WNK1: variants seen among roughly 807,000 people sequenced by gnomAD.
WNK1 encodes serine/threonine-protein kinase WNK1.
A neutral mutation model predicts 222.8 loss-of-function variants in WNK1; 38 were observed. The observed-to-expected ratio is 0.17, with a 90% CI of 0.13 to 0.22. WNK1 has a LOEUF of 0.22. Among genes scored for constraint, WNK1 ranks in the 10% least tolerant of loss-of-function variants. WNK1 has a pLI of 1.00. For missense variants in WNK1, 2,348 were observed against 2,918.4 expected, an observed-to-expected ratio of 0.80 and a Z score of 4.50; for synonymous variants, 1,090 against 1,092.9, an observed-to-expected ratio of 1.00 and a Z score of 0.05.
chr12:804,884 C>T lies in WNK1; in HGVS notation c.760-8758C>T, dbSNP rs1366646029. On this transcript the variant is annotated intron_variant, in intron 1 of 27. Coordinates refer to ENST00000315939, the MANE Select transcript of WNK1 (RefSeq NM_018979.4). ...GGTTCATTTGAGTTGTACCATGTGT[C>T]AAAATTTGGTACATATTTTTATATT... 4.8e-5 allele frequency among the ~76,000 whole-genome samples: 4 copies of T among 83,684 alleles called. No individual in the cohort carries two copies. The East Asian group carries it at 1.2e-3, about 25-fold the overall frequency. The allele number at this position is 83,684 out of a possible 152,430, so 54.9% of individuals were successfully genotyped here.
chr12:868,346 G>C (rs762005120), intron 8 of WNK1: 1 of 1,613,866 alleles, frequency 6.2e-7, no homozygotes, highest in Admixed American at 1.7e-5. Flanking sequence ...CAACTCATCA[G>C]TACTGTCAAG....
intron 26 of WNK1, among the ~76,000 whole-genome samples, chr12:901,369 G>A (rs1209737422): frequency 2.0e-5 from 3 of 152,200 alleles, no homozygotes; most frequent in East Asian, 1.9e-4. Flanking sequence ...AAAAGCTTCC[G>A]CATTTTGCAG....
chr12:838,152 C>T (rs1949348577), intron 4 of WNK1, among the ~76,000 whole-genome samples: 1 of 151,294 alleles, frequency 6.6e-6, no homozygotes, highest in Non-Finnish European at 1.5e-5. Flanking sequence ...GATTGGTAGA[C>T]ATTTGGACTG....
intron 1 of WNK1, among the ~76,000 whole-genome samples, chr12:787,618 G>A (rs1006539577): frequency 6.6e-6 from 1 of 152,184 alleles, no homozygotes; most frequent in Non-Finnish European, 1.5e-5. Context: ...TTAGCTTTCT[G>A]TGTGTTTAAA....
At chr12:833,054 G>A (rs976829204) in intron 4 of WNK1, among the ~76,000 whole-genome samples, 2 of 150,740 alleles carry the variant, frequency 1.3e-5, no homozygotes, top group African/African-American at 4.9e-5. Flanking sequence ...ACTGTTTATT[G>A]GGTAATTTCC....
chr12:828,292 C>G (rs948902181), intron 3 of WNK1, among the ~76,000 whole-genome samples: 1 of 151,956 alleles, frequency 6.6e-6, no homozygotes, highest in Non-Finnish European at 1.5e-5. Flanking sequence ...GGCAACAGAG[C>G]AAGACTCCAT....
intron 1 of WNK1, among the ~76,000 whole-genome samples, chr12:809,154 T>C (rs1946667907): frequency 6.6e-6 from 1 of 151,468 alleles, no homozygotes; most frequent in African/African-American, 2.4e-5. Context: ...GTGAGCCATA[T>C]TGGGAAGAAG....
chr12:826,136 C>G (rs1591879271), intron 2 of WNK1, among the ~76,000 whole-genome samples: 2 of 152,246 alleles, frequency 1.3e-5, no homozygotes, highest in Admixed American at 1.3e-4. Flanking sequence ...TCTGTGCTGT[C>G]CAGTAGAACT....
Position 896,332 on chromosome 12 carries a change from A to T in WNK1, c.5845A>T (p.Thr1949Ser). 6.2e-7 allele frequency: 1 copy of T among 1,614,236 alleles called. No individual in the cohort carries two copies. The highest frequency in any genetic ancestry group is 8.5e-7 in the Non-Finnish European group (1 of 1,180,054). Residue 1949 changes from threonine (T) to serine (S), a missense_variant, in exon 24 of 28, where the codon ACA becomes TCA. Thr to Ser is a moderately conservative substitution (Grantham distance 58). This residue lies in a region of WNK1 where 1,144 missense variants were observed against 1,273.6 expected (regional missense o/e 0.90). Coordinates refer to ENST00000315939, the MANE Select transcript of WNK1 (RefSeq NM_018979.4). Reference protein sequence around the residue: ...QPTKVGRFQVTTTANKVGRFS... With the variant: ...QPTKVGRFQVSTTANKVGRFS... ...TACCAAGGTTGGACGTTTTCAGGTG[A>T]CAACTACAGCAAACAAAGTGGGTCG...
At chr12:833,585 C>G (rs1464744084) in intron 4 of WNK1, among the ~76,000 whole-genome samples, 2 of 141,732 alleles carry the variant, frequency 1.4e-5, no homozygotes, top group Non-Finnish European at 3.3e-5. Flanking sequence ...GACATTTTAT[C>G]TGATTGGTTT....
chr12:880,193 C>G (rs536046875), intron 11 of WNK1, among the ~76,000 whole-genome samples, 162 bp downstream of exon 11: 2 of 152,316 alleles, frequency 1.3e-5, no homozygotes, highest in African/African-American at 4.8e-5. Context: ...TAATGATGTT[C>G]AGTGATTCCT....
chr12:812,369 T>G (rs1312292737), intron 1 of WNK1, among the ~76,000 whole-genome samples: 3 of 152,220 alleles, frequency 2.0e-5, no homozygotes, highest in Non-Finnish European at 4.4e-5. Context: ...AAATGGCTGT[T>G]GAACAAGTCA....
At chr12:863,765 AT>A (rs1951398068) in intron 8 of WNK1, among the ~76,000 whole-genome samples, 2 of 152,204 alleles carry the variant, frequency 1.3e-5, no homozygotes, top group Non-Finnish European at 2.9e-5. Context: ...GAATTTAAAA[AT>A]TTGTCTAATT....
At chr12:811,016 T>C (rs1387662636) in intron 1 of WNK1, among the ~76,000 whole-genome samples, 1 of 152,204 alleles carries the variant, frequency 6.6e-6, no homozygotes, top group Non-Finnish European at 1.5e-5. Flanking sequence ...ATGGGTTAGC[T>C]GTATCAGCTT....
intron 26 of WNK1, among the ~76,000 whole-genome samples, chr12:902,136 A>C (rs1454614344): frequency 6.6e-6 from 1 of 151,054 alleles, no homozygotes; most frequent in Non-Finnish European, 1.5e-5. Flanking sequence ...CCATCTCTAA[A>C]AAAAAAAAAA....
chr12:868,490 C>T lies in WNK1; in HGVS notation c.2140-2775C>T, dbSNP rs571461398. The T allele has an allele frequency of 6.2e-6, 10 of 1,613,938 alleles. No homozygotes were observed. The highest frequency in any genetic ancestry group is 5.0e-5 in the Admixed American group (3 of 60,016). On this transcript the variant is annotated intron_variant, in intron 8 of 27. Coordinates refer to ENST00000315939, the MANE Select transcript of WNK1 (RefSeq NM_018979.4). ...TCTAAGATTAGATTCTGGATTGGGT[C>T]CGGGATCTCCCCTCTCTAGTATTTC... is the stretch of plus-strand genomic sequence containing the variant.
intron 1 of WNK1, among the ~76,000 whole-genome samples, chr12:770,380 T>C (rs77941544): frequency 0.068 from 10,415 of 152,274 alleles, 421 homozygotes; most frequent in African/African-American, 0.087. Flanking sequence ...TTTGAAAATT[T>C]AGTATGAAAA....
intron 1 of WNK1, among the ~76,000 whole-genome samples, chr12:755,667 G>A (rs761428536): frequency 1.3e-5 from 2 of 151,894 alleles, no homozygotes; most frequent in Non-Finnish European, 2.9e-5. Flanking sequence ...GTTCATTTTG[G>A]TCAGTCATAT....
At chr12:801,423 T>TTGTGTGTGTGTGTG (rs367875366) in intron 1 of WNK1, among the ~76,000 whole-genome samples, 22 of 143,878 alleles carry the variant, frequency 1.5e-4, no homozygotes, top group African/African-American at 5.7e-4. Flanking sequence ...CTTTTTTTCT[T>TTGTGTGTGTGTGTG]TGTGTGTGTG....
Sources: gnomAD v4.1 joint callset for allele counts (sites outside exome capture counted in the v4.1 genomes callset) on GRCh38, gnomAD v4.1.1 for gene constraint, gnomAD v4.1.1 regional missense constraint, MANE v1.5 for transcripts, NCBI Gene and HGNC (gene_info 2026-07-23, HGNC 2026-07-21) for gene names.